TG: variants seen among roughly 807,000 people sequenced by gnomAD.
The protein encoded by TG is thyroglobulin, also known as thyroid hormones.
A neutral mutation model predicts 324.7 loss-of-function variants in TG; 270 were observed. That is an observed-to-expected ratio of 0.83 (90% confidence interval 0.75 to 0.92). The LOEUF is 0.92. TG is among the 40% of genes least tolerant of loss of function. The pLI, the probability that TG is intolerant of heterozygous loss-of-function variation, is 0.00. For synonymous variants in TG, 1,401 were observed against 1,327.0 expected (o/e 1.06, Z -1.21); for missense variants, 3,591 against 3,456.4 (o/e 1.04, Z -0.98).
chr8:133,097,974 G>C (rs1371760063), intron 43 of TG, among the ~76,000 whole-genome samples: 1 of 152,068 alleles, frequency 6.6e-6, no homozygotes, highest in South Asian at 2.1e-4. Context: ...GTTGCAAGGG[G>C]GGGTGTCAAG....
intron 26 of TG, among the ~76,000 whole-genome samples, chr8:132,946,701 C>T (rs1360848917): frequency 6.6e-6 from 1 of 152,090 alleles, no homozygotes; most frequent in African/African-American, 2.4e-5. Flanking sequence ...ATTCATGGGG[C>T]TTCTGAACTA....
Position 133,026,326 on chromosome 8 carries a change from C to T in TG, c.7037-3495C>T, listed in dbSNP as rs1836071031. On this transcript the variant is annotated intron_variant, in intron 40 of 47. Transcript: ENST00000220616. ...AACGAAAGCAGAAGCTCGTGCCAGT[C>T]CTGAGGCCCACTAGACAAACGCATG... 1.3e-5 allele frequency among the ~76,000 whole-genome samples: 2 copies of T among 152,216 alleles called. 1 individual carries two copies. The highest frequency in any genetic ancestry group is 2.9e-5 in the Non-Finnish European group (2 of 68,050).
intron 43 of TG, among the ~76,000 whole-genome samples, chr8:133,097,732 G>C (rs552855427): frequency 6.6e-6 from 1 of 152,322 alleles, no homozygotes; most frequent in East Asian, 1.9e-4. Context: ...GTAGAGATGT[G>C]AGAAAGAATA....
intron 40 of TG, among the ~76,000 whole-genome samples, chr8:133,025,608 C>T (rs558172693): frequency 4.6e-5 from 7 of 152,180 alleles, no homozygotes; most frequent in African/African-American, 1.2e-4. Flanking sequence ...CCTTGGGGTT[C>T]GTCCTGTGTG....
At chr8:132,969,382 T>C in intron 31 of TG, 76 bp from the exon 32 acceptor site, 2 of 1,008,958 alleles carry the variant, frequency 2.0e-6, no homozygotes, top group Non-Finnish European at 3.2e-6. Context: ...CAGTCTGTAT[T>C]TTACTCATTT....
rs549016964 is a variant in TG, at chr8:133,115,544, G to A, written c.7755-1065G>A. Reference sequence around the variant, plus strand: ...CAAAGGCTTTTATCCCAATGACCAGGAAAGGAAGACGGGCACCCCTTTTGC... The same window carrying A: ...CAAAGGCTTTTATCCCAATGACCAGAAAAGGAAGACGGGCACCCCTTTTGC... On this transcript the variant is annotated intron_variant, in intron 44 of 47. Coordinates refer to ENST00000220616, the MANE Select transcript of TG (RefSeq NM_003235.5). Among the ~76,000 whole-genome samples, 57 of 152,344 alleles carry A rather than the reference G, an allele frequency of 3.7e-4. 1 individual carries two copies. The highest frequency in any genetic ancestry group is 3.4e-3 in the Middle Eastern group (1 of 294).
intron 43 of TG, chr8:133,102,348 G>A (rs1365858653): frequency 7.9e-6 from 4 of 507,026 alleles, no homozygotes; most frequent in African/African-American, 1.9e-5. Flanking sequence ...AAGTCACGGA[G>A]GGACAGGAGT....
intron 41 of TG, chr8:133,050,047 G>A: frequency 1.9e-6 from 2 of 1,071,794 alleles, no homozygotes; most frequent in East Asian, 2.4e-5. Context: ...ACCAAAGGAT[G>A]AATGAACAGA....
chr8:132,874,355 G>T (rs760248785), intron 5 of TG, among the ~76,000 whole-genome samples: 1 of 152,134 alleles, frequency 6.6e-6, no homozygotes, highest in Non-Finnish European at 1.5e-5. Context: ...ACAGAGAGAG[G>T]CATTATAGAT....
chr8:132,972,315 T>C (rs1829637811), intron 33 of TG: 1 of 524,268 alleles, frequency 1.9e-6, no homozygotes, highest in African/African-American at 1.9e-5. Context: ...CTCGTAAGGT[T>C]ATGTGAGGAC....
chr8:132,926,694 G>A (rs946713599), intron 22 of TG, among the ~76,000 whole-genome samples: 1 of 152,188 alleles, frequency 6.6e-6, no homozygotes, highest in African/African-American at 2.4e-5. Context: ...TTCTGCAGGG[G>A]ACAGAGGGAC....
At chr8:133,099,281 T>C (rs982729381) in intron 43 of TG, among the ~76,000 whole-genome samples, 7 of 152,254 alleles carry the variant, frequency 4.6e-5, no homozygotes. Context: ...CGTTCGTTTC[T>C]GGCTTCGCTT....
chr8:133,087,421 A>G (rs1846768707), intron 41 of TG, among the ~76,000 whole-genome samples: 1 of 151,656 alleles, frequency 6.6e-6, no homozygotes, highest in Non-Finnish European at 1.5e-5. Flanking sequence ...AGCCAGAACC[A>G]CCTCCTTCCT....
At chr8:132,967,552 G>A (rs568665603) in intron 30 of TG, among the ~76,000 whole-genome samples, 3 of 152,222 alleles carry the variant, frequency 2.0e-5, no homozygotes, top group South Asian at 4.2e-4. Flanking sequence ...CTGAGTTTGA[G>A]GTTTGTCCCT....
chr8:132,975,138 C>A (rs1489003325), intron 34 of TG, among the ~76,000 whole-genome samples: 1 of 152,152 alleles, frequency 6.6e-6, no homozygotes, highest in African/African-American at 2.4e-5. Flanking sequence ...AGGTCTTTGA[C>A]CCCAAAGGAG....
intron 10 of TG, 108 bp from the exon 11 acceptor site, chr8:132,893,580 GGT>G (rs1030904565): frequency 5.0e-5 from 71 of 1,406,364 alleles, no homozygotes; most frequent in Non-Finnish European, 6.1e-5. Flanking sequence ...GTGTGTGTGT[GGT>G]GTGTGTGTGG....
chr8:133,088,955 A>G (rs1847054332), intron 41 of TG, among the ~76,000 whole-genome samples: 1 of 152,254 alleles, frequency 6.6e-6, no homozygotes, highest in South Asian at 2.1e-4. Flanking sequence ...AAAAAAGTCC[A>G]TCTGTGCTTT....
intron 40 of TG, among the ~76,000 whole-genome samples, chr8:133,023,185 G>C (rs1344344341): frequency 2.0e-5 from 3 of 152,216 alleles, no homozygotes; most frequent in Non-Finnish European, 4.4e-5. Context: ...CAGAAACCTG[G>C]ATGACCACAT....
intron 3 of TG, among the ~76,000 whole-genome samples, chr8:132,870,334 G>A (rs1013704769): frequency 4.0e-5 from 6 of 149,184 alleles, no homozygotes; most frequent in Admixed American, 1.3e-4. Flanking sequence ...ATCCTTTGAC[G>A]GATTAAAAGC....
Sources: allele counts gnomAD v4.1 joint callset (sites outside exome capture counted in the v4.1 genomes callset), GRCh38; gene constraint gnomAD v4.1.1; transcripts MANE v1.5; gene names NCBI Gene and HGNC (gene_info 2026-07-23, HGNC 2026-07-21).